The following PDE4B variants were observed in gnomAD, a reference collection of about 807,000 sequenced individuals.
PDE4B encodes 3',5'-cyclic-AMP phosphodiesterase 4B.
PDE4B carries 20 observed loss-of-function variants against 82.2 expected under a neutral mutation model. The observed-to-expected ratio is 0.24, with a 90% CI of 0.17 to 0.35. The LOEUF (loss-of-function observed/expected upper bound fraction) is 0.35. Ranked by LOEUF, PDE4B falls within the 10% of genes least tolerant of loss-of-function variation. The pLI is 1.00. For synonymous variants in PDE4B, 320 were observed against 318.9 expected (o/e 1.00, Z -0.04); for missense variants, 655 against 907.2 (o/e 0.72, Z 3.57).
chr1:66,341,282 A>T (rs1468251690), intron 8 of PDE4B, among the ~76,000 whole-genome samples: 1 of 152,244 alleles, frequency 6.6e-6, no homozygotes. Flanking sequence ...CAGGTATTAA[A>T]GTATAGGTCT....
chr1:66,152,224 G>A (rs1646409430), intron 3 of PDE4B, among the ~76,000 whole-genome samples: 1 of 152,106 alleles, frequency 6.6e-6, no homozygotes, highest in Admixed American at 6.6e-5. Flanking sequence ...CTAGGGGAGG[G>A]TAAATCCATT....
At chr1:66,359,177 G>A (rs7522170) in intron 9 of PDE4B, among the ~76,000 whole-genome samples, 3 of 152,102 alleles carry the variant, frequency 2.0e-5, no homozygotes, top group Admixed American at 6.5e-5. Flanking sequence ...TCAAAACCTA[G>A]AACTTAGAAT....
intron 3 of PDE4B, among the ~76,000 whole-genome samples, chr1:66,115,509 C>T (rs1319037167): frequency 6.6e-6 from 1 of 152,148 alleles, no homozygotes; most frequent in African/African-American, 2.4e-5. Context: ...GCATTTGGGT[C>T]CAGAATTTGA....
chr1:66,315,893 G>T (rs1298874324), intron 7 of PDE4B, among the ~76,000 whole-genome samples: 1 of 152,130 alleles, frequency 6.6e-6, no homozygotes. Context: ...GTGGAATTCA[G>T]AGTTTTCACT....
intron 3 of PDE4B, among the ~76,000 whole-genome samples, chr1:66,128,386 A>C (rs1267305434): frequency 6.6e-6 from 1 of 152,238 alleles, no homozygotes; most frequent in Non-Finnish European, 1.5e-5. Context: ...AATTAACAAC[A>C]GAGTTGTTGC....
chr1:66,266,111 C>G (rs1490054988), intron 7 of PDE4B, 24 bp downstream of exon 7: 1 of 1,564,902 alleles, frequency 6.4e-7, no homozygotes, highest in Admixed American at 1.7e-5. Context: ...TAAGGTCTAT[C>G]TAGATGTTTC....
At chr1:66,089,734 C>T (rs957438497) in intron 3 of PDE4B, among the ~76,000 whole-genome samples, 1 of 151,946 alleles carries the variant, frequency 6.6e-6, no homozygotes, top group East Asian at 1.9e-4. Flanking sequence ...GGTATGTTGG[C>T]TTTTTGTCTC....
rs190701245 is a variant in PDE4B at position 65,992,529 on chromosome 1, A to T, written c.281+73694A>T. The stretch of plus-strand genomic sequence containing the variant: ...CAGCTTGTTTAATAAGATTTTTTTT[A>T]AAAAAATGCATGTAAAGGATTTATC... On this transcript the variant is annotated intron_variant, in intron 3 of 16. Transcript: ENST00000341517. 9.7e-3 allele frequency: 1,627 copies of T among 167,116 alleles called. 21 individuals are homozygous for T. The highest frequency in any genetic ancestry group is 0.035 in the African/African-American group (1,456 of 41,860). The allele number at this position is 167,116 out of a possible 1,614,324, so 10.4% of individuals were successfully genotyped here. A position where few individuals can be genotyped will look rare whatever the true frequency, so the allele number is the denominator to read the frequency against.
chr1:66,130,109 T>C (rs1191491783), intron 3 of PDE4B, among the ~76,000 whole-genome samples: 1 of 152,210 alleles, frequency 6.6e-6, no homozygotes, highest in Non-Finnish European at 1.5e-5. Context: ...GGCTCAAATC[T>C]TTACATGACT....
intron 1 of PDE4B, among the ~76,000 whole-genome samples, chr1:65,801,701 C>CT (rs1304248984): frequency 6.6e-6 from 1 of 152,198 alleles, no homozygotes; most frequent in Non-Finnish European, 1.5e-5. Context: ...GTCATACCTC[C>CT]TACTTAGCCA....
intron 1 of PDE4B, among the ~76,000 whole-genome samples, chr1:65,907,633 G>A (rs1414316584): frequency 1.3e-5 from 2 of 152,074 alleles, no homozygotes; most frequent in African/African-American, 4.8e-5. Flanking sequence ...TAAAAGTCAA[G>A]ATCCCATGGT....
At chr1:66,218,922 T>A (rs1570493081) in intron 3 of PDE4B, among the ~76,000 whole-genome samples, 1 of 152,184 alleles carries the variant, frequency 6.6e-6, no homozygotes, top group East Asian at 1.9e-4. Context: ...GATTTAATTA[T>A]GTTTTGTTTA....
At chr1:66,193,873 G>A (rs1337800357) in intron 3 of PDE4B, among the ~76,000 whole-genome samples, 1 of 151,542 alleles carries the variant, frequency 6.6e-6, no homozygotes, top group African/African-American at 2.4e-5. Flanking sequence ...GAGCTGGAAA[G>A]AAACTTGGGA....
At chr1:65,907,649 T>G (rs1408268395) in intron 1 of PDE4B, among the ~76,000 whole-genome samples, 1 of 152,142 alleles carries the variant, frequency 6.6e-6, no homozygotes, top group Non-Finnish European at 1.5e-5. Flanking sequence ...ATGGTCTAGT[T>G]TTGAGGTTCT....
intron 7 of PDE4B, among the ~76,000 whole-genome samples, chr1:66,312,187 G>A (rs1156536504): frequency 6.6e-6 from 1 of 152,182 alleles, no homozygotes; most frequent in African/African-American, 2.4e-5. Context: ...GGTGGATGTT[G>A]AGCCTCCATT....
chr1:65,998,382 G>C (rs1281278731), intron 3 of PDE4B, among the ~76,000 whole-genome samples: 1 of 151,354 alleles, frequency 6.6e-6, no homozygotes, highest in African/African-American at 2.4e-5. Context: ...CCAATATCAT[G>C]AACAAGAGTT....
intron 9 of PDE4B, among the ~76,000 whole-genome samples, chr1:66,357,132 T>C (rs1662315733): frequency 1.3e-5 from 2 of 152,126 alleles, no homozygotes. Flanking sequence ...CAAGAACCCA[T>C]TTTTGTCTTC....
chr1:65,854,897 C>G (rs1371644113), intron 1 of PDE4B, among the ~76,000 whole-genome samples: 1 of 151,672 alleles, frequency 6.6e-6, no homozygotes, highest in African/African-American at 2.4e-5. Context: ...TATTTTTTCT[C>G]TCTCTGAACT....
intron 3 of PDE4B, among the ~76,000 whole-genome samples, chr1:65,984,651 C>T (rs536684090): frequency 8.5e-5 from 13 of 152,100 alleles, no homozygotes; most frequent in South Asian, 8.3e-4. Flanking sequence ...GCTATTCAGA[C>T]GGCTGAGGCA....
Sources: gnomAD v4.1 joint callset for allele counts (sites outside exome capture counted in the v4.1 genomes callset) on GRCh38, gnomAD v4.1.1 for gene constraint, MANE v1.5 for transcripts, NCBI Gene and HGNC (gene_info 2026-07-23, HGNC 2026-07-21) for gene names.